Variants in TLN2 observed in about 807,000 individuals in gnomAD.
The protein encoded by TLN2 is talin 2.
TLN2 carries 118 observed loss-of-function variants against 294.7 expected under a neutral mutation model. The observed-to-expected ratio is 0.40, with a 90% CI of 0.34 to 0.47. The LOEUF is 0.47. Among genes scored for constraint, TLN2 ranks in the 20% least tolerant of loss-of-function variants. TLN2 has a pLI of 0.84. For synonymous variants in TLN2, 1,431 were observed against 1,304.5 expected, an observed-to-expected ratio of 1.10 and a Z score of -2.09; for missense variants, 3,083 against 3,282.2, an observed-to-expected ratio of 0.94 and a Z score of 1.48.
chr15:62,486,371 A>C (rs1448150533), intron 1 of TLN2, among the ~76,000 whole-genome samples: 1 of 151,158 alleles, frequency 6.6e-6, no homozygotes. Context: ...CTCCTGCCCT[A>C]GGATTCAATC....
At chr15:62,658,641 C>T in intron 9 of TLN2, among the ~76,000 whole-genome samples, 1 of 152,136 alleles carries the variant, frequency 6.6e-6, no homozygotes, top group East Asian at 1.9e-4. Flanking sequence ...CAGTTTCTAC[C>T]ACCTACTTAG....
At chr15:62,634,648 CTGAT>C (rs1260644315) in intron 3 of TLN2, among the ~76,000 whole-genome samples, 10 of 152,340 alleles carry the variant, frequency 6.6e-5, no homozygotes, top group African/African-American at 1.9e-4. Context: ...TCATAACTGA[CTGAT>C]GAAATTGGTA....
intron 1 of TLN2, among the ~76,000 whole-genome samples, chr15:62,580,050 C>T (rs1391997224): frequency 6.6e-6 from 1 of 152,202 alleles, no homozygotes; most frequent in African/African-American, 2.4e-5. Flanking sequence ...ACATGTGTCA[C>T]TCTACACCTC....
chr15:62,495,954 A>AG (rs1312987014), intron 1 of TLN2, among the ~76,000 whole-genome samples: 1 of 152,124 alleles, frequency 6.6e-6, no homozygotes, highest in Non-Finnish European at 1.5e-5. Context: ...CCAAAAAAAA[A>AG]AAAACAAAAA....
chr15:62,639,534 A>G (rs180841939), intron 3 of TLN2, among the ~76,000 whole-genome samples: 80 of 152,240 alleles, frequency 5.3e-4, no homozygotes, highest in Non-Finnish European at 1.0e-3. Context: ...CATAAGGGAG[A>G]ACTGAGGGAT....
chr15:62,438,454 G>A (rs2035397188), intron 1 of TLN2, among the ~76,000 whole-genome samples: 1 of 152,156 alleles, frequency 6.6e-6, no homozygotes, highest in Non-Finnish European at 1.5e-5. Context: ...TTTATCTGCT[G>A]AGATTTTATT....
At chr15:62,517,531 G>GT (rs1361343654) in intron 1 of TLN2, among the ~76,000 whole-genome samples, 6 of 152,142 alleles carry the variant, frequency 3.9e-5, no homozygotes, top group Admixed American at 3.9e-4. Flanking sequence ...GGTGATTGCT[G>GT]TTTTGCAATG....
chr15:62,841,813 G>A lies in TLN2; in HGVS notation c.*1203G>A, dbSNP rs2070733179. On this transcript the variant is annotated 3_prime_UTR_variant, in exon 59 of 59. Coordinates refer to ENST00000636159, the MANE Select transcript of TLN2 (RefSeq NM_015059.3). ...AATTTACCCTTAATCTGCACCTTTA[G>A]CCAAGGCAGTGCATGGAAGATGAAT... 1 of 152,128 alleles carries A rather than the reference G, an allele frequency of 6.6e-6. No individual in the cohort carries two copies. Among genetic ancestry groups the A allele is most frequent in the South Asian group, 2.1e-4 (1 of 4,834 alleles). 9.4% of individuals were successfully genotyped at this position (152,128 alleles called of 1,614,324 possible). A position where few individuals can be genotyped will look rare whatever the true frequency, so the allele number is the denominator to read the frequency against.
chr15:62,431,614 T>G (rs1566966157), intron 1 of TLN2, among the ~76,000 whole-genome samples: 1 of 152,214 alleles, frequency 6.6e-6, no homozygotes, highest in Admixed American at 6.5e-5. Flanking sequence ...ACAAGTGGCT[T>G]GTTTGATTTG....
At chr15:62,712,144 T>G in intron 22 of TLN2, 67 bp downstream of exon 22, 1 of 1,566,160 alleles carries the variant, frequency 6.4e-7, no homozygotes, top group Non-Finnish European at 8.7e-7. Context: ...GAAGGTACTT[T>G]CCAGATGGGG....
intron 54 of TLN2, chr15:62,831,113 C>T (rs2068795556): frequency 1.3e-5 from 2 of 151,206 alleles, no homozygotes; most frequent in Non-Finnish European, 2.9e-5. Context: ...ATGAGATGAT[C>T]CTATCAGATC....
Position 62,650,198 on chromosome 15 carries a change from A to C in TLN2, c.234+17A>C, listed in dbSNP as rs1057233083. 2 of 1,613,410 alleles carry C rather than the reference A, an allele frequency of 1.2e-6. No individual in the cohort carries two copies. Among genetic ancestry groups the C allele is most frequent in the African/African-American group, 2.7e-5 (2 of 74,930 alleles). On this transcript the variant is annotated intron_variant, in intron 5 of 58. Transcript: ENST00000636159. Reference sequence around the variant, plus strand: ...CGGAATGGGGTATGCTGCCAATCCCAGTGCTGTTTCTTCATCCCTTTGTCC... The same window carrying C: ...CGGAATGGGGTATGCTGCCAATCCCCGTGCTGTTTCTTCATCCCTTTGTCC...
At chr15:62,566,686 C>G (rs553029729) in intron 1 of TLN2, among the ~76,000 whole-genome samples, 3 of 149,408 alleles carry the variant, frequency 2.0e-5, no homozygotes, top group Non-Finnish European at 4.4e-5. Context: ...CGCAGTGGCA[C>G]AAGCACAACT....
At chr15:62,423,016 C>A (rs2034499985) in intron 1 of TLN2, among the ~76,000 whole-genome samples, 1 of 152,226 alleles carries the variant, frequency 6.6e-6, no homozygotes, top group South Asian at 2.1e-4. Flanking sequence ...TGTAGTGCAG[C>A]CTGCAGCTGG....
chr15:62,728,338 A>T (rs1567472744), intron 28 of TLN2, among the ~76,000 whole-genome samples: 1 of 152,208 alleles, frequency 6.6e-6, no homozygotes, highest in South Asian at 2.1e-4. Flanking sequence ...CTATGGTATT[A>T]TATTACATGA....
chr15:62,405,363 G>A (rs923821152), intron 1 of TLN2, among the ~76,000 whole-genome samples: 9 of 152,212 alleles, frequency 5.9e-5, no homozygotes, highest in African/African-American at 2.2e-4. Context: ...CAGGGCAGAT[G>A]CCTGCTGGCC....
chr15:62,513,935 C>T (rs58646822), intron 1 of TLN2, among the ~76,000 whole-genome samples: 32,253 of 152,154 alleles, frequency 0.21, 4,008 homozygotes, highest in East Asian at 0.29. Flanking sequence ...TAGTCTAGGG[C>T]GGAGAATATT....
At chr15:62,819,477 C>G in intron 52 of TLN2, 39 bp from the exon 53 acceptor site, 3 of 1,535,110 alleles carry the variant, frequency 2.0e-6, no homozygotes, top group African/African-American at 1.4e-5. Flanking sequence ...CCAGTGGTTA[C>G]TATCCCCCTC....
At chr15:62,830,404 C>G (rs1436968346) in intron 54 of TLN2, 1 of 152,548 alleles carries the variant, frequency 6.6e-6, no homozygotes, top group Non-Finnish European at 1.5e-5. Flanking sequence ...GCAGTGGGGA[C>G]TGTTCCATTA....
Sources: gnomAD v4.1 joint callset for allele counts (sites outside exome capture counted in the v4.1 genomes callset) on GRCh38, gnomAD v4.1.1 for gene constraint, MANE v1.5 for transcripts, NCBI Gene and HGNC (gene_info 2026-07-23, HGNC 2026-07-21) for gene names.